The following SAMHD1 variants were observed in gnomAD, a reference collection of about 807,000 sequenced individuals.
SAMHD1 encodes deoxynucleoside triphosphate triphosphohydrolase SAMHD1.
SAMHD1 carries 54 observed loss-of-function variants against 79.6 expected under a neutral mutation model. The ratio of observed to expected loss-of-function variants is 0.68; its 90% CI spans 0.55 to 0.85. The LOEUF is 0.85. SAMHD1 is among the 40% of genes least tolerant of loss of function. SAMHD1 has a pLI of 0.00. For synonymous variants in SAMHD1, 260 were observed against 264.1 expected, an observed-to-expected ratio of 0.98 and a Z score of 0.15; for missense variants, 663 against 782.7, an observed-to-expected ratio of 0.85 and a Z score of 1.82.
chr20:36,898,729 T>C (rs553758500), intron 13 of SAMHD1, among the ~76,000 whole-genome samples, 185 bp from the exon 14 acceptor site: 8 of 151,730 alleles, frequency 5.3e-5, no homozygotes, highest in African/African-American at 1.4e-4. Flanking sequence ...CTGGCCAACA[T>C]AGTGAAACCC....
intron 13 of SAMHD1, chr20:36,903,903 T>C (rs1417105323): frequency 2.7e-6 from 1 of 371,284 alleles, no homozygotes; most frequent in African/African-American, 2.1e-5. Context: ...AATTAAAATG[T>C]ATTACTTGTG....
At chr20:36,912,071 T>G (rs2063444100) in intron 10 of SAMHD1, 2 of 246,782 alleles carry the variant, frequency 8.1e-6, no homozygotes, top group African/African-American at 4.5e-5. Flanking sequence ...ATCTTAATCC[T>G]TAAAGTTAAC....
At chr20:36,933,262 C>T (rs1450261701) in intron 4 of SAMHD1, among the ~76,000 whole-genome samples, 1 of 151,654 alleles carries the variant, frequency 6.6e-6, no homozygotes, top group Non-Finnish European at 1.5e-5. Flanking sequence ...TTCCTCCTGG[C>T]TCTACACTGC....
intron 2 of SAMHD1, among the ~76,000 whole-genome samples, chr20:36,942,667 A>G (rs889725377): frequency 2.0e-5 from 3 of 151,096 alleles, no homozygotes; most frequent in African/African-American, 7.3e-5. Context: ...TTTTTTTTGA[A>G]ATGGAGTCTT....
intron 6 of SAMHD1, among the ~76,000 whole-genome samples, chr20:36,923,866 A>T (rs1421666112): frequency 6.6e-6 from 1 of 152,198 alleles, no homozygotes; most frequent in Admixed American, 6.6e-5. Flanking sequence ...TATTTAATAT[A>T]GAGAGTTTAT....
intron 15 of SAMHD1, chr20:36,897,508 G>GA: frequency 2.4e-6 from 1 of 410,060 alleles, no homozygotes; most frequent in Non-Finnish European, 4.5e-6. Context: ...GGTAACCTCT[G>GA]AAAGATGGAG....
chr20:36,903,360 C>T (rs1329544967), intron 13 of SAMHD1, among the ~76,000 whole-genome samples: 2 of 151,410 alleles, frequency 1.3e-5, no homozygotes, highest in African/African-American at 4.9e-5. Flanking sequence ...CTGCCACAGC[C>T]TCCTGAGTAG....
chr20:36,897,486 C>T (rs6029975), intron 15 of SAMHD1: 1 of 362,458 alleles, frequency 2.8e-6, no homozygotes, highest in Non-Finnish European at 5.2e-6. Flanking sequence ...AACAAGTTAA[C>T]TACTCAGCTT....
At chr20:36,894,669 A>G (rs968966106) in intron 15 of SAMHD1, among the ~76,000 whole-genome samples, 1 of 151,420 alleles carries the variant, frequency 6.6e-6, no homozygotes, top group African/African-American at 2.4e-5. Context: ...CAGGAGGCGG[A>G]GGCAGGAGAA....
chr20:36,901,068 C>T (rs774564732), intron 13 of SAMHD1, among the ~76,000 whole-genome samples: 1 of 151,976 alleles, frequency 6.6e-6, no homozygotes, highest in Non-Finnish European at 1.5e-5. Context: ...AAAAAAAAGA[C>T]AGCAAGAAAG....
intron 4 of SAMHD1, among the ~76,000 whole-genome samples, chr20:36,932,999 C>A (rs935862659): frequency 6.6e-6 from 1 of 152,086 alleles, no homozygotes; most frequent in Non-Finnish European, 1.5e-5. Flanking sequence ...GCACTTCCAG[C>A]ACTTCCATCT....
intron 15 of SAMHD1, among the ~76,000 whole-genome samples, chr20:36,895,280 C>G (rs962107879): frequency 2.0e-4 from 31 of 152,022 alleles, no homozygotes; most frequent in Admixed American, 1.8e-3. Flanking sequence ...AACCCCTCCC[C>G]TACCACCACC....
intron 2 of SAMHD1, 120 bp from the exon 3 acceptor site, chr20:36,941,231 ACAAT>A: frequency 1.4e-6 from 1 of 733,588 alleles, no homozygotes; most frequent in Non-Finnish European, 2.4e-6. Context: ...ATTGGAAGGA[ACAAT>A]CAATAATTCA....
At chr20:36,930,704 A>G in intron 5 of SAMHD1, 56 bp downstream of exon 5, 1 of 1,155,766 alleles carries the variant, frequency 8.7e-7, no homozygotes, top group Non-Finnish European at 1.3e-6. Flanking sequence ...AACGTCAAAG[A>G]GAGGTAACAT....
In SAMHD1 at chr20:36,898,551, A is replaced by G; in HGVS notation, c.1504-7T>C. 3 of 1,601,364 alleles carry G rather than the reference A, an allele frequency of 1.9e-6. No individual in the cohort carries two copies. In the South Asian group the frequency reaches 3.3e-5, roughly 18 times the overall value. ...CATAATCCATGTTGATAACCTAAAT[A>G]AAAGCAATTCACAAGTAATCATATA... On this transcript the variant is annotated splice_region_variant and splice_polypyrimidine_tract_variant and intron_variant, in intron 13 of 15. Coordinates refer to ENST00000646673, the MANE Select transcript of SAMHD1 (RefSeq NM_015474.4).
intron 15 of SAMHD1, among the ~76,000 whole-genome samples, chr20:36,896,585 C>T (rs948086979): frequency 5.3e-5 from 8 of 151,974 alleles, no homozygotes; most frequent in Non-Finnish European, 7.4e-5. Context: ...ACCTGTAATC[C>T]CAGCACTTTG....
At chr20:36,912,889 GTTTTTTTTTTTTT>G (rs71186089) in intron 9 of SAMHD1, among the ~76,000 whole-genome samples, 6 of 41,104 alleles carry the variant, frequency 1.5e-4, no homozygotes, top group Non-Finnish European at 2.0e-4. Flanking sequence ...TTCATTCTTT[GTTTTTTTTTTTTT>G]TTTTTTTTTT....
chr20:36,910,528 G>A (rs964816253), intron 11 of SAMHD1, among the ~76,000 whole-genome samples: 1 of 151,870 alleles, frequency 6.6e-6, no homozygotes, highest in Non-Finnish European at 1.5e-5. Flanking sequence ...TCAGGAGTTC[G>A]AGAAGACCCT....
At chr20:36,914,997 G>T (rs1214620630) in intron 9 of SAMHD1, among the ~76,000 whole-genome samples, 1 of 152,006 alleles carries the variant, frequency 6.6e-6, no homozygotes, top group Non-Finnish European at 1.5e-5. Context: ...GGGTGACAGA[G>T]TAAGATCCTG....
Sources: allele counts gnomAD v4.1 joint callset (sites outside exome capture counted in the v4.1 genomes callset), GRCh38; gene constraint gnomAD v4.1.1; transcripts MANE v1.5; gene names NCBI Gene and HGNC (gene_info 2026-07-23, HGNC 2026-07-21).